Variants in ARHGAP24 observed in about 807,000 individuals in gnomAD.
ARHGAP24 encodes Rho GTPase activating protein 24, also known as rho GTPase-activating protein 24.
ARHGAP24 carries 50 observed loss-of-function variants against 76.4 expected under a neutral mutation model. The observed-to-expected ratio is 0.65, with a 90% confidence interval of 0.52 to 0.83. The LOEUF is 0.83. Ranked by LOEUF, ARHGAP24 falls within the 40% of genes least tolerant of loss-of-function variation. The pLI is 0.00. For missense variants in ARHGAP24, 930 were observed against 914.2 expected (o/e 1.02, Z -0.22); for synonymous variants, 345 against 323.3 (o/e 1.07, Z -0.72).
intron 5 of ARHGAP24, among the ~76,000 whole-genome samples, chr4:85,943,973 C>G (rs965278278): frequency 1.3e-5 from 2 of 151,828 alleles, no homozygotes; most frequent in African/African-American, 4.8e-5. Context: ...GGGTATATAC[C>G]CAGTAATGGG....
At chr4:85,624,042 A>G (rs1266434484) in intron 2 of ARHGAP24, among the ~76,000 whole-genome samples, 1 of 152,174 alleles carries the variant, frequency 6.6e-6, no homozygotes, top group Non-Finnish European at 1.5e-5. Flanking sequence ...AACAGGGACA[A>G]TTTGACTTCC....
At chr4:85,929,957 A>G (rs1033031710) in intron 4 of ARHGAP24, among the ~76,000 whole-genome samples, 3 of 152,210 alleles carry the variant, frequency 2.0e-5, no homozygotes, top group Non-Finnish European at 4.4e-5. Context: ...TACACAAGAC[A>G]AGAGCTGGGA....
chr4:85,737,095 CA>C (rs1275026666), intron 3 of ARHGAP24, among the ~76,000 whole-genome samples: 2 of 152,050 alleles, frequency 1.3e-5, no homozygotes, highest in African/African-American at 4.8e-5. Flanking sequence ...TTCACCAGCA[CA>C]CAGCTGGTGA....
At position 85,731,220 on chromosome 4, in the gene ARHGAP24, C is replaced by T. The variant is rs534107781; in HGVS notation, c.268+9248C>T. 2.6e-5 allele frequency among the ~76,000 whole-genome samples: 4 copies of T among 152,154 alleles called. No individual in the cohort carries two copies. In the East Asian group the frequency reaches 5.8e-4, roughly 22 times the overall value. On this transcript the variant is annotated intron_variant, in intron 3 of 9. Coordinates refer to ENST00000395184, the MANE Select transcript of ARHGAP24 (RefSeq NM_001025616.3). ...GTTTATTATCTACACTACACTGAGGCCAAATATCTGAGACTTAAGAGAAAC... is the reference window on the plus strand; with the variant it reads ...GTTTATTATCTACACTACACTGAGGTCAAATATCTGAGACTTAAGAGAAAC...
intron 3 of ARHGAP24, among the ~76,000 whole-genome samples, chr4:85,848,829 A>G (rs937973051): frequency 8.5e-5 from 13 of 152,212 alleles, no homozygotes; most frequent in African/African-American, 2.9e-4. Flanking sequence ...TACCAGTACC[A>G]TGCTGTTTTG....
At chr4:85,818,717 T>C (rs768890794) in intron 3 of ARHGAP24, among the ~76,000 whole-genome samples, 1 of 152,190 alleles carries the variant, frequency 6.6e-6, no homozygotes, top group Non-Finnish European at 1.5e-5. Context: ...TTAGATAATA[T>C]ATATTTTCAT....
At chr4:85,945,073 C>T (rs1035080487) in intron 5 of ARHGAP24, among the ~76,000 whole-genome samples, 37 of 151,422 alleles carry the variant, frequency 2.4e-4, no homozygotes, top group Admixed American at 2.3e-3. Flanking sequence ...CTCGAACTGC[C>T]GAGCTCAGGT....
chr4:85,848,319 G>A (rs1731004410), intron 3 of ARHGAP24, among the ~76,000 whole-genome samples: 1 of 152,064 alleles, frequency 6.6e-6, no homozygotes, highest in Non-Finnish European at 1.5e-5. Flanking sequence ...TTCTCCTAAT[G>A]CTATCCCTCT....
intron 4 of ARHGAP24, among the ~76,000 whole-genome samples, chr4:85,939,871 T>C (rs1245306814): frequency 6.6e-6 from 1 of 150,402 alleles, no homozygotes; most frequent in Non-Finnish European, 1.5e-5. Context: ...TTAGGTAATA[T>C]ATTCATCAAT....
intron 3 of ARHGAP24, among the ~76,000 whole-genome samples, chr4:85,917,882 A>G (rs956908165): frequency 2.0e-5 from 3 of 152,178 alleles, no homozygotes; most frequent in Non-Finnish European, 4.4e-5. Flanking sequence ...TTCTTAGAGT[A>G]TAATTTTTAG....
chr4:85,633,874 C>T (rs568530682), intron 2 of ARHGAP24, among the ~76,000 whole-genome samples: 1 of 151,892 alleles, frequency 6.6e-6, no homozygotes, highest in Admixed American at 6.6e-5. Flanking sequence ...GAGTATGGAA[C>T]CTTGTGAATC....
At chr4:85,717,329 A>G (rs1724772733) in intron 2 of ARHGAP24, among the ~76,000 whole-genome samples, 1 of 152,144 alleles carries the variant, frequency 6.6e-6, no homozygotes, top group Admixed American at 6.6e-5. Flanking sequence ...GCAAATGTAT[A>G]CCATTTCTAC....
intron 2 of ARHGAP24, among the ~76,000 whole-genome samples, chr4:85,638,782 AC>A (rs1197223540): frequency 2.0e-5 from 3 of 152,152 alleles, no homozygotes; most frequent in African/African-American, 7.2e-5. Context: ...ACTACTGAAC[AC>A]CCTGTTCTTC....
intron 9 of ARHGAP24, chr4:86,000,134 G>A (rs1740927079): frequency 5.3e-6 from 1 of 189,526 alleles, no homozygotes; most frequent in Admixed American, 5.8e-5. Context: ...TTAGTGTAGT[G>A]AACTTTACAA....
At chr4:85,524,678 G>A (rs1392402247) in intron 1 of ARHGAP24, among the ~76,000 whole-genome samples, 1 of 152,180 alleles carries the variant, frequency 6.6e-6, no homozygotes, top group Non-Finnish European at 1.5e-5. Context: ...CTGGAATCTG[G>A]CAGTGACCCT....
chr4:85,943,582 G>C (rs1301123130), intron 5 of ARHGAP24, among the ~76,000 whole-genome samples: 1 of 152,028 alleles, frequency 6.6e-6, no homozygotes, highest in African/African-American at 2.4e-5. Context: ...CTACAATTAG[G>C]TATTTCTCCT....
intron 2 of ARHGAP24, among the ~76,000 whole-genome samples, chr4:85,633,756 G>T (rs1721230905): frequency 6.6e-6 from 1 of 151,580 alleles, no homozygotes; most frequent in African/African-American, 2.4e-5. Context: ...ATACTTTTAG[G>T]GCAGGTATAG....
At chr4:85,550,409 C>G (rs1042730337) in intron 1 of ARHGAP24, among the ~76,000 whole-genome samples, 5 of 152,132 alleles carry the variant, frequency 3.3e-5, no homozygotes, top group Admixed American at 6.5e-5. Context: ...GTCTATGTAT[C>G]TGTTTTTGTA....
chr4:85,583,446 A>G (rs983652154), intron 2 of ARHGAP24, among the ~76,000 whole-genome samples: 2 of 152,152 alleles, frequency 1.3e-5, no homozygotes, highest in Non-Finnish European at 2.9e-5. Context: ...AAAAATCTGT[A>G]TCCTTTAAAG....
Sources: gnomAD v4.1 joint callset for allele counts (sites outside exome capture counted in the v4.1 genomes callset) on GRCh38, gnomAD v4.1.1 for gene constraint, MANE v1.5 for transcripts, NCBI Gene and HGNC (gene_info 2026-07-23, HGNC 2026-07-21) for gene names.